The following KLF12 variants were observed in gnomAD, a reference collection of about 807,000 sequenced individuals.
The protein encoded by KLF12 is KLF transcription factor 12.
In KLF12, 9 loss-of-function variants were observed where a neutral mutation model predicts 37.8. The ratio of observed to expected loss-of-function variants is 0.24; its 90% CI spans 0.14 to 0.42. KLF12 has a LOEUF of 0.42. Ranked by LOEUF, KLF12 falls within the 10% of genes least tolerant of loss-of-function variation. The probability of loss-of-function intolerance (pLI) is 1.00; values close to 1 mark genes in which losing one functional copy is unlikely to be tolerated. For synonymous variants in KLF12, 208 were observed against 202.1 expected (o/e 1.03, Z -0.25); for missense variants, 411 against 516.0 (o/e 0.80, Z 1.97).
chr13:73,700,073 C>A (rs1376885246), intron 7 of KLF12, among the ~76,000 whole-genome samples: 1 of 152,010 alleles, frequency 6.6e-6, no homozygotes, highest in Non-Finnish European at 1.5e-5. Context: ...AGTTCAAGAC[C>A]AGCTTGGGCA....
chr13:74,159,602 T>C, the KLF12 span, among the ~76,000 whole-genome samples: 1 of 152,244 alleles, frequency 6.6e-6, no homozygotes, highest in East Asian at 1.9e-4. Context: ...TTAGCACATG[T>C]AACCCCAAAG....
At chr13:73,847,156 C>T (rs777889886) in intron 3 of KLF12, among the ~76,000 whole-genome samples, 1 of 152,054 alleles carries the variant, frequency 6.6e-6, no homozygotes, top group Non-Finnish European at 1.5e-5. Flanking sequence ...ACTCATATAT[C>T]TATTCATTCA....
chr13:74,191,466 A>T, the KLF12 span, among the ~76,000 whole-genome samples: 1 of 152,292 alleles, frequency 6.6e-6, no homozygotes, highest in East Asian at 1.9e-4. Flanking sequence ...ATGCATTCTG[A>T]TGTAATCCTA....
chr13:74,213,128 T>G, the KLF12 span, among the ~76,000 whole-genome samples: 1 of 152,174 alleles, frequency 6.6e-6, no homozygotes, highest in African/African-American at 2.4e-5. Context: ...ATGATCTGTG[T>G]TAAATTTTAT....
At chr13:74,298,159 T>C in the KLF12 span, among the ~76,000 whole-genome samples, 1 of 152,216 alleles carries the variant, frequency 6.6e-6, no homozygotes, top group African/African-American at 2.4e-5. Context: ...TTTATTATAT[T>C]GTTGATAAAC....
rs548788654 is a variant in KLF12, at chr13:74,036,928, A to G, written c.-31-41875T>C. On this transcript the variant is annotated intron_variant, in intron 1 of 7. Coordinates refer to ENST00000377669, the MANE Select transcript of KLF12 (RefSeq NM_007249.5). ...AGCGTAAAAGATTTTCTTTTGGGCC[A>G]GGAGCCGTGGCTCACGCCTGTAATC... Among the ~76,000 whole-genome samples the G allele has an allele frequency of 1.7e-3, 254 of 152,300 alleles. 1 individual carries two copies. The highest frequency in any genetic ancestry group is 4.1e-3 in the Admixed American group (63 of 15,310).
chr13:73,960,479 C>A, intron 2 of KLF12: 3 of 212,674 alleles, frequency 1.4e-5, no homozygotes, highest in South Asian at 5.2e-5. Flanking sequence ...GTCAAGTGGG[C>A]TAAAAAAAAG....
the KLF12 span, among the ~76,000 whole-genome samples, chr13:74,145,185 AAAAGTC>A: frequency 6.6e-6 from 1 of 152,192 alleles, no homozygotes; most frequent in Non-Finnish European, 1.5e-5. Flanking sequence ...GTAACTAGAC[AAAAGTC>A]AGGGAGCAGA....
intron 4 of KLF12, among the ~76,000 whole-genome samples, chr13:73,841,608 A>T (rs73535830): frequency 0.033 from 4,986 of 152,250 alleles, 157 homozygotes; most frequent in African/African-American, 0.083. Context: ...AAAGGACTTA[A>T]ATTCCTTTGT....
chr13:74,042,285 C>A (rs1002514387), intron 1 of KLF12, among the ~76,000 whole-genome samples: 24 of 111,924 alleles, frequency 2.1e-4, no homozygotes, highest in African/African-American at 6.7e-4. Context: ...GCCTGGGTGA[C>A]AAAGCGAGAC....
At chr13:73,875,014 A>C (rs1594199762) in intron 3 of KLF12, among the ~76,000 whole-genome samples, 1 of 152,146 alleles carries the variant, frequency 6.6e-6, no homozygotes, top group African/African-American at 2.4e-5. Context: ...TATGGTTTAC[A>C]ATTATGTTTC....
At chr13:73,750,785 A>T (rs1375748095) in intron 6 of KLF12, among the ~76,000 whole-genome samples, 1 of 152,186 alleles carries the variant, frequency 6.6e-6, no homozygotes, top group East Asian at 1.9e-4. Flanking sequence ...GATGCAGAAG[A>T]ACATTTTTAA....
chr13:74,119,626 A>G (rs1877507409), intron 1 of KLF12, among the ~76,000 whole-genome samples: 1 of 152,190 alleles, frequency 6.6e-6, no homozygotes, highest in African/African-American at 2.4e-5. Context: ...GAATTAGGAA[A>G]CTTGAGGACA....
chr13:73,994,695 TC>T (rs748649998), intron 2 of KLF12, among the ~76,000 whole-genome samples: 2 of 152,184 alleles, frequency 1.3e-5, no homozygotes, highest in Non-Finnish European at 2.9e-5. Flanking sequence ...ATCAGTTGCA[TC>T]AAGCAGTTTT....
chr13:73,748,839 G>A (rs940635144), intron 6 of KLF12, among the ~76,000 whole-genome samples: 10 of 152,312 alleles, frequency 6.6e-5, no homozygotes, highest in Admixed American at 5.2e-4. Flanking sequence ...ATTTGAATCT[G>A]CATCCTTTGA....
chr13:73,729,475 C>T (rs1876904376), intron 6 of KLF12, among the ~76,000 whole-genome samples: 2 of 152,268 alleles, frequency 1.3e-5, no homozygotes. Flanking sequence ...GGTACTGTTA[C>T]TGGCAATCTT....
chr13:73,686,983 T>A lies in KLF12; in HGVS notation c.*8507A>T, dbSNP rs144425585. 1.3e-5 allele frequency: 2 copies of A among 152,636 alleles called. No individual in the cohort carries two copies. The highest frequency in any genetic ancestry group is 3.9e-4 in the East Asian group (2 of 5,164). 9.5% of individuals were successfully genotyped at this position (152,636 alleles called of 1,614,324 possible). A position where few individuals can be genotyped will look rare whatever the true frequency, so the allele number is the denominator to read the frequency against. ...ACTGAGAGATTTATTCAAAAGAACATGACGTTAGAATTGACCCCCACACAC... is the reference window on the plus strand; with the variant it reads ...ACTGAGAGATTTATTCAAAAGAACAAGACGTTAGAATTGACCCCCACACAC... On this transcript the variant is annotated 3_prime_UTR_variant, in exon 8 of 8. Transcript: ENST00000377669.
At chr13:73,933,275 T>A (rs1262204472) in intron 3 of KLF12, among the ~76,000 whole-genome samples, 4 of 152,318 alleles carry the variant, frequency 2.6e-5, no homozygotes, top group South Asian at 2.1e-4. Flanking sequence ...TTGCTGTTAT[T>A]TAGTGTTTGC....
the KLF12 span, among the ~76,000 whole-genome samples, chr13:74,171,438 T>C: frequency 6.6e-6 from 1 of 152,094 alleles, no homozygotes; most frequent in African/African-American, 2.4e-5. Context: ...AACTTCAATT[T>C]AGCTGCTAAA....
Sources: gnomAD v4.1 joint callset for allele counts (sites outside exome capture counted in the v4.1 genomes callset) on GRCh38, gnomAD v4.1.1 for gene constraint, MANE v1.5 for transcripts, NCBI Gene and HGNC (gene_info 2026-07-23, HGNC 2026-07-21) for gene names.